The following RIMOC1 variants were observed in gnomAD, a reference collection of about 807,000 sequenced individuals.
RIMOC1 encodes RAB7A interacting MON1-CCZ1 complex subunit 1.
the RIMOC1 span, chr5:41,909,725 TTTC>T: frequency 6.7e-7 from 1 of 1,496,148 alleles, no homozygotes; most frequent in Admixed American, 2.5e-5. Context: ...GATAGATATC[TTTC>T]TTTTTTTTTT....
At chr5:41,909,660 C>T in the RIMOC1 span, 2 of 895,362 alleles carry the variant, frequency 2.2e-6, no homozygotes, top group South Asian at 2.3e-5. Flanking sequence ...TAATAAAGCA[C>T]CTATGTGTGC....
At chr5:41,916,677 G>T in the RIMOC1 span, among the ~76,000 whole-genome samples, 3 of 152,122 alleles carry the variant, frequency 2.0e-5, no homozygotes, top group Non-Finnish European at 4.4e-5. Context: ...AGAATTTGGG[G>T]TGTATATTCT....
the RIMOC1 span, among the ~76,000 whole-genome samples, chr5:41,906,817 C>G: frequency 6.6e-6 from 1 of 152,240 alleles, no homozygotes; most frequent in East Asian, 1.9e-4. Flanking sequence ...ATCAGGTAGG[C>G]CTACACCAAA....
the RIMOC1 span, chr5:41,910,008 G>T: frequency 1.2e-6 from 1 of 822,630 alleles, no homozygotes; most frequent in South Asian, 1.9e-5. Flanking sequence ...AATTAAGATT[G>T]GAAGAGGGAG....
chr5:41,908,997 T>C, the RIMOC1 span, among the ~76,000 whole-genome samples: 2 of 152,128 alleles, frequency 1.3e-5, no homozygotes, highest in Non-Finnish European at 2.9e-5. Context: ...TTACATATGT[T>C]AATTAATTTT....
the RIMOC1 span, chr5:41,917,602 T>TA: frequency 0.95 from 966,263 of 1,015,678 alleles, 460,655 homozygotes; most frequent in African/African-American, 0.98. Context: ...TCTATTACTT[T>TA]TTTTTTTTAT....
At chr5:41,913,077 G>T in the RIMOC1 span, among the ~76,000 whole-genome samples, 1 of 152,078 alleles carries the variant, frequency 6.6e-6, no homozygotes, top group Non-Finnish European at 1.5e-5. Context: ...TTAGGACATT[G>T]CTTTTATTCT....
the RIMOC1 span, among the ~76,000 whole-genome samples, chr5:41,914,550 G>C: frequency 6.6e-6 from 1 of 150,876 alleles, no homozygotes; most frequent in Non-Finnish European, 1.5e-5. Context: ...GATCACTTGA[G>C]AAAACTGGCG....
At chr5:41,906,516 ACT>A in the RIMOC1 span, among the ~76,000 whole-genome samples, 2 of 151,958 alleles carry the variant, frequency 1.3e-5, no homozygotes, top group Non-Finnish European at 2.9e-5. Flanking sequence ...ATATCAACAC[ACT>A]CTCTAAAGAA....
At chr5:41,906,994 G>A in the RIMOC1 span, among the ~76,000 whole-genome samples, 1 of 152,112 alleles carries the variant, frequency 6.6e-6, no homozygotes, top group African/African-American at 2.4e-5. Flanking sequence ...AGGGTGGATA[G>A]TACCTTGAAG....
the RIMOC1 span, among the ~76,000 whole-genome samples, chr5:41,905,886 TA>T: frequency 6.6e-6 from 1 of 152,232 alleles, no homozygotes; most frequent in Non-Finnish European, 1.5e-5. Flanking sequence ...GAAAATTTAC[TA>T]AAATAAAATG....
the RIMOC1 span, chr5:41,918,366 T>A: frequency 1.7e-5 from 17 of 985,792 alleles, no homozygotes; most frequent in East Asian, 1.6e-3. Flanking sequence ...TCATTCCACA[T>A]TCTTCAGTTC....
the RIMOC1 span, chr5:41,907,688 A>G: frequency 8.4e-7 from 1 of 1,186,336 alleles, no homozygotes; most frequent in South Asian, 1.4e-5. Flanking sequence ...TGTTTAAATA[A>G]CACTCTGAAA....
the RIMOC1 span, chr5:41,904,362 G>T: frequency 6.2e-7 from 1 of 1,613,440 alleles, no homozygotes; most frequent in Non-Finnish European, 8.5e-7. Context: ...CCCGCCGATT[G>T]TGGCCATGGC....
At chr5:41,919,528 G>C in the RIMOC1 span, 1 of 152,220 alleles carries the variant, frequency 6.6e-6, no homozygotes, top group East Asian at 1.9e-4. Context: ...AAATACCTTT[G>C]TGCTTTCTAA....
At chr5:41,917,170 T>C in the RIMOC1 span, 2 of 1,613,864 alleles carry the variant, frequency 1.2e-6, no homozygotes, top group Non-Finnish European at 1.7e-6. Flanking sequence ...AACCCTTGGA[T>C]TTCCGAGAAG....
At chr5:41,919,338 T>C in the RIMOC1 span, 1 of 152,192 alleles carries the variant, frequency 6.6e-6, no homozygotes, top group African/African-American at 2.4e-5. Context: ...TGTGTAATCA[T>C]GTTCTAGTCC....
the RIMOC1 span, chr5:41,916,993 G>C: frequency 6.4e-7 from 1 of 1,557,440 alleles, no homozygotes; most frequent in East Asian, 2.3e-5. Flanking sequence ...ATTCTAATCT[G>C]TCAACCTAAA....
chr5:41,904,534 G>GTGAGGGCT, the RIMOC1 span: 1 of 1,447,012 alleles, frequency 6.9e-7, no homozygotes, highest in Non-Finnish European at 9.6e-7. Flanking sequence ...CTCGATGGCT[G>GTGAGGGCT]TGAGGGCTAG....
Sources: allele counts gnomAD v4.1 joint callset (sites outside exome capture counted in the v4.1 genomes callset), GRCh38; gene constraint gnomAD v4.1.1; transcripts MANE v1.5; gene names NCBI Gene and HGNC (gene_info 2026-07-23, HGNC 2026-07-21).